Variants in CHCHD6 observed in about 807,000 individuals in gnomAD.
The protein encoded by CHCHD6 is MICOS complex subunit MIC25.
In CHCHD6, 28 loss-of-function variants were observed where a neutral mutation model predicts 32.3. The observed-to-expected ratio is 0.87, with a 90% confidence interval of 0.64 to 1.19. CHCHD6 has a LOEUF of 1.19. Among genes scored for constraint, CHCHD6 ranks in the 50% most tolerant of loss-of-function variants. The pLI, the probability that CHCHD6 is intolerant of heterozygous loss-of-function variation, is 0.00. For missense variants in CHCHD6, 333 were observed against 307.0 expected (o/e 1.08, Z -0.63); for synonymous variants, 122 against 117.5 (o/e 1.04, Z -0.25).
intron 5 of CHCHD6, chr3:126,865,648 C>G (rs1942266123): frequency 1.0e-6 from 1 of 985,254 alleles, no homozygotes; most frequent in African/African-American, 1.7e-5. Context: ...TCTCCCACCG[C>G]TACTACTATT....
chr3:126,949,430 G>T, intron 6 of CHCHD6: 1 of 232,778 alleles, frequency 4.3e-6, no homozygotes, highest in Non-Finnish European at 8.5e-6. Flanking sequence ...GGACGGAAGG[G>T]AAGGCTGCAC....
At chr3:126,822,094 G>C (rs1281319919) in intron 4 of CHCHD6, among the ~76,000 whole-genome samples, 1 of 151,782 alleles carries the variant, frequency 6.6e-6, no homozygotes, top group Non-Finnish European at 1.5e-5. Flanking sequence ...TTTTTCTTTG[G>C]TTACTTGTGT....
chr3:126,838,468 C>T (rs1242363442), intron 4 of CHCHD6, among the ~76,000 whole-genome samples: 1 of 152,232 alleles, frequency 6.6e-6, no homozygotes, highest in African/African-American at 2.4e-5. Flanking sequence ...CCTCCTCACT[C>T]TTCCAGGCTT....
chr3:126,767,156 AG>A, intron 4 of CHCHD6: 2 of 1,590,992 alleles, frequency 1.3e-6, no homozygotes, highest in Non-Finnish European at 1.7e-6. Flanking sequence ...AAAGGAATAG[AG>A]GTTTCCTTTG....
intron 5 of CHCHD6, among the ~76,000 whole-genome samples, chr3:126,908,384 A>G (rs761418166): frequency 1.1e-4 from 16 of 152,214 alleles, no homozygotes; most frequent in Non-Finnish European, 1.8e-4. Flanking sequence ...GCTCTCCTTA[A>G]GCAGGGCCTG....
At chr3:126,781,464 G>T (rs1387552193) in intron 4 of CHCHD6, among the ~76,000 whole-genome samples, 1 of 152,206 alleles carries the variant, frequency 6.6e-6, no homozygotes, top group African/African-American at 2.4e-5. Context: ...TTTTCTCCTG[G>T]AAATGCATCC....
chr3:126,756,223 TAG>T (rs1247502378), intron 4 of CHCHD6, among the ~76,000 whole-genome samples: 2 of 151,894 alleles, frequency 1.3e-5, no homozygotes, highest in Non-Finnish European at 2.9e-5. Flanking sequence ...CTGGGGAAGG[TAG>T]AGAGAGGAAA....
chr3:126,711,351 G>A (rs1336306917), intron 1 of CHCHD6, among the ~76,000 whole-genome samples: 1 of 152,170 alleles, frequency 6.6e-6, no homozygotes, highest in Admixed American at 6.5e-5. Context: ...TTTGTTTTCC[G>A]CCATGTGGTT....
At chr3:126,756,561 C>G (rs565389417) in intron 4 of CHCHD6, among the ~76,000 whole-genome samples, 1 of 152,320 alleles carries the variant, frequency 6.6e-6, no homozygotes, top group South Asian at 2.1e-4. Context: ...TCTCCCTACT[C>G]TGTCATACCC....
At chr3:126,861,788 T>C (rs1273613368) in intron 5 of CHCHD6, among the ~76,000 whole-genome samples, 11 of 35,020 alleles carry the variant, frequency 3.1e-4, no homozygotes, top group South Asian at 1.3e-3. Flanking sequence ...TCCACGACCA[T>C]CACCACCTCC....
At chr3:126,846,554 G>A (rs1423884469) in intron 4 of CHCHD6, among the ~76,000 whole-genome samples, 3 of 152,182 alleles carry the variant, frequency 2.0e-5, no homozygotes, top group African/African-American at 4.8e-5. Context: ...TTTGGAAATA[G>A]CAAGAGAGAA....
chr3:126,828,571 C>T (rs1181664305), intron 4 of CHCHD6, among the ~76,000 whole-genome samples: 6 of 152,198 alleles, frequency 3.9e-5, no homozygotes, highest in Non-Finnish European at 5.9e-5. Context: ...CCCGTCCTGT[C>T]GGATGGGACA....
chr3:126,704,263 C>T lies in CHCHD6; in HGVS notation c.-50C>T, dbSNP rs1383273291. The T allele has an allele frequency of 1.3e-6, 2 of 1,492,770 alleles. No homozygotes were observed. Among genetic ancestry groups the T allele is most frequent in the East Asian group, 2.3e-5 (1 of 43,982 alleles). 92.5% of individuals were successfully genotyped at this position (1,492,770 alleles called of 1,614,324 possible). A position where few individuals can be genotyped will look rare whatever the true frequency, so the allele number is the denominator to read the frequency against. On this transcript the variant is annotated 5_prime_UTR_variant, in exon 1 of 8. Transcript: ENST00000290913. ...GGAAAGCGTTGTTGGCCCGGTTGCT[C>T]TGGAGCCGGGTCTCGGGTCTGGTGG...
At chr3:126,743,804 A>C (rs1469166723) in intron 4 of CHCHD6, among the ~76,000 whole-genome samples, 1 of 152,164 alleles carries the variant, frequency 6.6e-6, no homozygotes, top group Non-Finnish European at 1.5e-5. Flanking sequence ...TTTGTTCTTG[A>C]GAGAAGTCCA....
At chr3:126,899,392 G>A (rs975141299) in intron 5 of CHCHD6, among the ~76,000 whole-genome samples, 2 of 152,182 alleles carry the variant, frequency 1.3e-5, no homozygotes, top group Non-Finnish European at 2.9e-5. Context: ...GATGGTCAAA[G>A]ACATTTGCGA....
At chr3:126,836,440 G>A (rs2107544549) in intron 4 of CHCHD6, among the ~76,000 whole-genome samples, 1 of 152,216 alleles carries the variant, frequency 6.6e-6, no homozygotes, top group South Asian at 2.1e-4. Context: ...CCTCACCCCT[G>A]CCTCTCTGGA....
intron 6 of CHCHD6, among the ~76,000 whole-genome samples, chr3:126,937,571 A>G (rs1212439860): frequency 6.6e-6 from 1 of 152,186 alleles, no homozygotes; most frequent in Non-Finnish European, 1.5e-5. Flanking sequence ...CAGGGTCTTC[A>G]TTTGTAAAAC....
At chr3:126,763,375 G>T (rs1310911268) in intron 4 of CHCHD6, among the ~76,000 whole-genome samples, 1 of 143,812 alleles carries the variant, frequency 7.0e-6, no homozygotes. Context: ...TGTCCAGGCT[G>T]CAGTACAGTG....
At chr3:126,925,238 G>T (rs1170067359) in intron 6 of CHCHD6, among the ~76,000 whole-genome samples, 1 of 151,996 alleles carries the variant, frequency 6.6e-6, no homozygotes, top group Non-Finnish European at 1.5e-5. Flanking sequence ...GATTGGAGAG[G>T]CTCCAGAAGG....
Sources: gnomAD v4.1 joint callset for allele counts (sites outside exome capture counted in the v4.1 genomes callset) on GRCh38, gnomAD v4.1.1 for gene constraint, MANE v1.5 for transcripts, NCBI Gene and HGNC (gene_info 2026-07-23, HGNC 2026-07-21) for gene names.